Variants in FBH1 observed in about 807,000 individuals in gnomAD.
The protein encoded by FBH1 is DNA 3'-5' helicase 1.
A neutral mutation model predicts 115.5 loss-of-function variants in FBH1; 43 were observed. The ratio of observed to expected loss-of-function variants is 0.37; its 90% CI spans 0.29 to 0.48. The LOEUF is 0.48. Among genes scored for constraint, FBH1 ranks in the 20% least tolerant of loss-of-function variants. The pLI is 0.99. For synonymous variants in FBH1, 524 were observed against 507.8 expected, an observed-to-expected ratio of 1.03 and a Z score of -0.43; for missense variants, 1,001 against 1,337.3, an observed-to-expected ratio of 0.75 and a Z score of 3.92.
intron 1 of FBH1, among the ~76,000 whole-genome samples, chr10:5,896,022 AAAG>A (rs1430713883): frequency 1.6e-4 from 24 of 152,204 alleles, no homozygotes; most frequent in Non-Finnish European, 2.6e-4. Flanking sequence ...AAGATTAAAA[AAAG>A]AAGCCAGGCA....
In FBH1 at chr10:5,917,213, G is replaced by A. The variant is rs914048083; in HGVS notation, c.1789-207G>A. 9 of 579,862 alleles carry A rather than the reference G, an allele frequency of 1.6e-5. No homozygotes were observed. The highest frequency in any genetic ancestry group is 3.0e-5 in the Admixed American group (1 of 33,642). The allele number at this position is 579,862 out of a possible 1,614,324, so 35.9% of individuals were successfully genotyped here. On this transcript the variant is annotated intron_variant, in intron 10 of 20. Coordinates refer to ENST00000362091, the MANE Select transcript of FBH1 (RefSeq NM_178150.3). The surrounding 1 kb of genome is among the most constrained non-coding windows in gnomAD (Gnocchi z 5.6). Reference sequence around the variant, plus strand: ...CTCTGTCCTGTCACGGGCATGGCACGGCCCGGCTGCTTCCTGTCTCAGCAC... The same window carrying A: ...CTCTGTCCTGTCACGGGCATGGCACAGCCCGGCTGCTTCCTGTCTCAGCAC...
At position 5,906,039 on chromosome 10, in the gene FBH1, C is replaced by G. The variant is rs1377811444; in HGVS notation, c.160C>G (p.Gln54Glu). The G allele has an allele frequency of 6.2e-7, 1 of 1,605,624 alleles. No homozygotes were observed. Among genetic ancestry groups the G allele is most frequent in the African/African-American group, 1.3e-5 (1 of 74,910 alleles). The change falls in exon 3 of 21, where the codon CAG becomes GAG. Residue 54 changes from glutamine (Q) to glutamate (E), a missense_variant and splice_region_variant. By Grantham distance (29) the Gln-to-Glu change is conservative (BLOSUM62 2). This residue lies in a region of FBH1 where 420 missense variants were observed against 430.4 expected (regional missense o/e 0.98). Coordinates refer to ENST00000362091, the MANE Select transcript of FBH1 (RefSeq NM_178150.3). This position sits in a 1 kb window ranked among gnomAD's most constrained non-coding sequence, Gnocchi z 7.3. The part of the protein sequence containing the change: ...KPRTKRGSRG[Q>E]GSQRCIPEFF... ...TCCTGTTTGGGTTCTCTCTACAGGT[C>G]AGGGAAGTCAAAGATGCATCCCTGA...
chr10:5,936,315 G>C lies in FBH1; in HGVS notation c.2830-141G>C, dbSNP rs560380407. On this transcript the variant is annotated intron_variant, in intron 19 of 20. Transcript: ENST00000362091. This position sits in a 1 kb window ranked among gnomAD's most constrained non-coding sequence, Gnocchi z 5.6. ...CAGGGAAAAGTTAGAGGAAGTAAGGGAGAACGGGTTAGGCGGGGTTTTTCT... is the reference window on the plus strand; with the variant it reads ...CAGGGAAAAGTTAGAGGAAGTAAGGCAGAACGGGTTAGGCGGGGTTTTTCT... 6.9e-6 allele frequency: 6 copies of C among 869,204 alleles called. No individual in the cohort carries two copies. In the African/African-American group the frequency reaches 8.3e-5, roughly 12 times the overall value. The allele number at this position is 869,204 out of a possible 1,614,324, so 53.8% of individuals were successfully genotyped here.
Position 5,925,435 on chromosome 10 carries a change from T to G in FBH1, c.2665T>G (p.Phe889Val). ...TGACACTGTGCATGTTTTGGATGAT[T>G]TTGTGAAAGTGCCTTGTGCCCGGCA... ...EFDTVHVLDD[F>V]VKVPCARHNL... The change falls in exon 18 of 21, where the codon TTT becomes GTT. Residue 889 changes from phenylalanine to valine, a missense_variant. Physicochemically the swap from Phe to Val is conservative, Grantham distance 50. Transcript: ENST00000362091. This position sits in a 1 kb window ranked among gnomAD's most constrained non-coding sequence, Gnocchi z 4.6. The G allele has an allele frequency of 6.2e-7, 1 of 1,614,174 alleles. No individual in the cohort carries two copies. Among genetic ancestry groups the G allele is most frequent in the East Asian group, 2.2e-5 (1 of 44,886 alleles).
Position 5,909,401 on chromosome 10 carries a change from G to T in FBH1, c.1020+107G>T. The T allele has an allele frequency of 7.8e-7, 1 of 1,283,912 alleles. No homozygotes were observed. The highest frequency in any genetic ancestry group is 2.5e-5 in the East Asian group (1 of 40,294). 79.5% of individuals were successfully genotyped at this position (1,283,912 alleles called of 1,614,324 possible). ...GACTTTATATTTATTTTTAATGTCT[G>T]TATTTAATCTCTGAATGCTTTGAAG... On this transcript the variant is annotated intron_variant, in intron 5 of 20. Coordinates refer to ENST00000362091, the MANE Select transcript of FBH1 (RefSeq NM_178150.3). This position sits in a 1 kb window ranked among gnomAD's most constrained non-coding sequence, Gnocchi z 4.4.
At chr10:5,907,532 G>A (rs1843781906) in intron 3 of FBH1, among the ~76,000 whole-genome samples, 1 of 141,976 alleles carries the variant, frequency 7.0e-6, no homozygotes. Flanking sequence ...GGAGTGCAGT[G>A]GCTCGACTTT....
intron 2 of FBH1, among the ~76,000 whole-genome samples, chr10:5,905,706 C>T (rs1843650899): frequency 6.6e-6 from 1 of 152,212 alleles, no homozygotes; most frequent in African/African-American, 2.4e-5. Flanking sequence ...TGGTTGTGAG[C>T]AGTCACCTCC....
Position 5,933,606 on chromosome 10 carries a change from G to T in FBH1, c.2830-2850G>T, listed in dbSNP as rs986616124. Reference sequence around the variant, plus strand: ...TATTTGTGGGAACAGATTTTTTAAGGCTGTAAGACCTTGTTAGAAGTGGAG... The same window carrying T: ...TATTTGTGGGAACAGATTTTTTAAGTCTGTAAGACCTTGTTAGAAGTGGAG... On this transcript the variant is annotated intron_variant, in intron 19 of 20. Coordinates refer to ENST00000362091, the MANE Select transcript of FBH1 (RefSeq NM_178150.3). The surrounding 1 kb of genome is among the most constrained non-coding windows in gnomAD (Gnocchi z 4.9). 1.3e-5 allele frequency among the ~76,000 whole-genome samples: 2 copies of T among 151,880 alleles called. No homozygotes were observed. The highest frequency in any genetic ancestry group is 2.9e-5 in the Non-Finnish European group (2 of 68,004).
At position 5,895,783 on chromosome 10, in the gene FBH1, G is replaced by C. The variant is rs960393087; in HGVS notation, c.1+5437G>C. On this transcript the variant is annotated intron_variant, in intron 1 of 20. Transcript: ENST00000362091. This position sits in a 1 kb window ranked among gnomAD's most constrained non-coding sequence, Gnocchi z 5.0. Reference sequence around the variant, plus strand: ...TCCTGGGAATCAGCTTCCCAGTTAAGGGGAAGAGGAGAAGAGTGGAGGGCA... The same window carrying C: ...TCCTGGGAATCAGCTTCCCAGTTAACGGGAAGAGGAGAAGAGTGGAGGGCA... 1.3e-5 allele frequency among the ~76,000 whole-genome samples: 2 copies of C among 152,104 alleles called. No individual in the cohort carries two copies. Among genetic ancestry groups the C allele is most frequent in the Admixed American group, 6.6e-5 (1 of 15,256 alleles).
chr10:5,902,378 A>G (rs1843400750), intron 1 of FBH1, among the ~76,000 whole-genome samples: 1 of 152,224 alleles, frequency 6.6e-6, no homozygotes, highest in African/African-American at 2.4e-5. Flanking sequence ...TTGTTATTTA[A>G]AAAAATATAT....
In FBH1 at chr10:5,917,327, C is replaced by A; in HGVS notation, c.1789-93C>A. ...TCCCCCTTCTGTGAGGATGCCCTGG[C>A]TCCACTGCTGTATGGGAGTTGACAG... On this transcript the variant is annotated intron_variant, in intron 10 of 20. Coordinates refer to ENST00000362091, the MANE Select transcript of FBH1 (RefSeq NM_178150.3). This position sits in a 1 kb window ranked among gnomAD's most constrained non-coding sequence, Gnocchi z 5.6. 3 of 1,031,476 alleles carry A rather than the reference C, an allele frequency of 2.9e-6. No individual in the cohort carries two copies. Among genetic ancestry groups the A allele is most frequent in the South Asian group, 2.7e-5 (2 of 72,924 alleles). 63.9% of individuals were successfully genotyped at this position (1,031,476 alleles called of 1,614,324 possible).
chr10:5,917,580 CT>C lies in FBH1; in HGVS notation c.1877-8del. 1 of 1,614,088 alleles carries C rather than the reference CT, an allele frequency of 6.2e-7. No individual in the cohort carries two copies. Among genetic ancestry groups the C allele is most frequent in the Non-Finnish European group, 8.5e-7 (1 of 1,179,974 alleles). ...TGGCGTTACAACTCCTGCGTCTCTCCTTATTTTAGGCTACTTGAAACTCTGG... is the reference window on the plus strand; with the variant it reads ...TGGCGTTACAACTCCTGCGTCTCTCCTATTTTAGGCTACTTGAAACTCTGG... On this transcript the variant is annotated splice_polypyrimidine_tract_variant and intron_variant, in intron 11 of 20. Coordinates refer to ENST00000362091, the MANE Select transcript of FBH1 (RefSeq NM_178150.3). The surrounding 1 kb of genome is among the most constrained non-coding windows in gnomAD (Gnocchi z 5.6).
At chr10:5,908,100 A>G (rs1843830546) in intron 3 of FBH1, among the ~76,000 whole-genome samples, 1 of 152,214 alleles carries the variant, frequency 6.6e-6, no homozygotes, top group African/African-American at 2.4e-5. Flanking sequence ...CATCATTGAA[A>G]TAGCAGTGTT....
In FBH1 at chr10:5,917,395, G is replaced by T. The variant is rs975050048; in HGVS notation, c.1789-25G>T. On this transcript the variant is annotated intron_variant, in intron 10 of 20. Transcript: ENST00000362091. This position sits in a 1 kb window ranked among gnomAD's most constrained non-coding sequence, Gnocchi z 5.6. ...GCCTTTGCCAGGGTCTCAAACTCTG[G>T]GTTACCATATGCTTTACTTCCTAGA... The T allele has an allele frequency of 1.9e-6, 3 of 1,607,306 alleles. No individual in the cohort carries two copies. The highest frequency in any genetic ancestry group is 2.7e-5 in the African/African-American group (2 of 74,792).
In FBH1 at chr10:5,900,682, A is replaced by G. The variant is rs567397564; in HGVS notation, c.2-2338A>G. Among the ~76,000 whole-genome samples the G allele has an allele frequency of 7.2e-5, 11 of 152,360 alleles. 1 individual carries two copies. The South Asian group carries it at 2.3e-3, about 32-fold the overall frequency. ...TAAAAAAGCTGGTATTAAACCTTGA[A>G]AAAGTTAACTGAAATTTGGAAGGGT... On this transcript the variant is annotated intron_variant, in intron 1 of 20. Coordinates refer to ENST00000362091, the MANE Select transcript of FBH1 (RefSeq NM_178150.3). This position sits in a 1 kb window ranked among gnomAD's most constrained non-coding sequence, Gnocchi z 4.2.
In FBH1 at chr10:5,918,709, T is replaced by C. The variant is rs1319087591; in HGVS notation, c.2100+231T>C. Among the ~76,000 whole-genome samples the C allele has an allele frequency of 2.0e-5, 3 of 152,260 alleles. No homozygotes were observed. Among genetic ancestry groups the C allele is most frequent in the Non-Finnish European group, 4.4e-5 (3 of 68,048 alleles). ...CTGCTGCGGCTGAACTGTGAACCGA[T>C]GGCTGCTGCCGCCTTGTACATTTGT... On this transcript the variant is annotated intron_variant, in intron 13 of 20. Coordinates refer to ENST00000362091, the MANE Select transcript of FBH1 (RefSeq NM_178150.3). The surrounding 1 kb of genome is among the most constrained non-coding windows in gnomAD (Gnocchi z 4.0).
chr10:5,891,074 G>T lies in FBH1; in HGVS notation c.1+728G>T, dbSNP rs72774193. 4.8e-3 allele frequency: 4,023 copies of T among 841,450 alleles called. 13 individuals are homozygous for T. Among genetic ancestry groups the T allele is most frequent in the Non-Finnish European group, 5.6e-3 (3,887 of 698,132 alleles). The allele number at this position is 841,450 out of a possible 1,614,324, so 52.1% of individuals were successfully genotyped here. ...TCAGTAGGGTTTTACAGGTGGGGAA[G>T]TGGAGGCCTAACCAAGTCAGTGACT... On this transcript the variant is annotated intron_variant, in intron 1 of 20. Transcript: ENST00000362091.
rs930822562 is a variant in FBH1 at position 5,932,494 on chromosome 10, C to T, written c.2830-3962C>T. Among the ~76,000 whole-genome samples the T allele has an allele frequency of 3.3e-5, 5 of 152,188 alleles. No homozygotes were observed. Among genetic ancestry groups the T allele is most frequent in the Admixed American group, 1.3e-4 (2 of 15,276 alleles). On this transcript the variant is annotated intron_variant, in intron 19 of 20. Coordinates refer to ENST00000362091, the MANE Select transcript of FBH1 (RefSeq NM_178150.3). The surrounding 1 kb of genome is among the most constrained non-coding windows in gnomAD (Gnocchi z 5.9). ...TCTTTATCAGCTCACAGAGCTCTCT[C>T]GCCTCTTGGTCAGCTGCATAGTGTT...
rs1831549585 is a variant in FBH1, at chr10:5,910,954, C to G, written c.1037C>G (p.Ala346Gly). Residue 346 changes from alanine (A) to glycine (G), a missense_variant, in exon 6 of 21, where the codon GCC (alanine) becomes GGC (glycine). Physicochemically the swap from Ala to Gly is moderately conservative, Grantham distance 60. Coordinates refer to ENST00000362091, the MANE Select transcript of FBH1 (RefSeq NM_178150.3). This position sits in a 1 kb window ranked among gnomAD's most constrained non-coding sequence, Gnocchi z 4.8. ...GGCTTGCAGGGTGTCAACATCTGGGCCCTGGTGGCGGCTGTGGTGCTCCTC... is the reference window on the plus strand; with the variant it reads ...GGCTTGCAGGGTGTCAACATCTGGGGCCTGGTGGCGGCTGTGGTGCTCCTC... ...YAAAGGVNIW[A>G]LVAAVVLLSS... 7 of 1,610,188 alleles carry G rather than the reference C, an allele frequency of 4.3e-6. No individual in the cohort carries two copies. Among genetic ancestry groups the G allele is most frequent in the Non-Finnish European group, 4.2e-6 (5 of 1,179,484 alleles).
Sources: allele counts gnomAD v4.1 joint callset (sites outside exome capture counted in the v4.1 genomes callset), GRCh38; gene constraint gnomAD v4.1.1; regional missense constraint gnomAD v4.1.1; non-coding constraint Gnocchi (gnomAD v3.1); transcripts MANE v1.5; gene names NCBI Gene and HGNC (gene_info 2026-07-23, HGNC 2026-07-21).